The following TIPARP variants were observed in gnomAD, a reference collection of about 807,000 sequenced individuals.
The protein encoded by TIPARP is TCDD inducible poly(ADP-ribose) polymerase.
In TIPARP, 12 loss-of-function variants were observed where a neutral mutation model predicts 56.5. The observed-to-expected ratio is 0.21, with a 90% CI of 0.14 to 0.34. The LOEUF (loss-of-function observed/expected upper bound fraction) is 0.34, where lower values mean the gene tolerates loss of function less well. TIPARP is among the 10% of genes least tolerant of loss of function. TIPARP has a pLI of 1.00. For missense variants in TIPARP, 604 were observed against 781.6 expected, an observed-to-expected ratio of 0.77 and a Z score of 2.71; for synonymous variants, 296 against 265.7, an observed-to-expected ratio of 1.11 and a Z score of -1.11.
chr3:156,701,609 A>G (rs1443722404), intron 4 of TIPARP, among the ~76,000 whole-genome samples: 1 of 152,180 alleles, frequency 6.6e-6, no homozygotes, highest in Non-Finnish European at 1.5e-5. Flanking sequence ...AAGGAGTTAT[A>G]GATATTTGAG....
chr3:156,690,770 C>T (rs77058827), intron 2 of TIPARP, among the ~76,000 whole-genome samples: 63 of 152,142 alleles, frequency 4.1e-4, no homozygotes, highest in Non-Finnish European at 7.5e-4. Flanking sequence ...TGGCTATTAC[C>T]CATACTCTTT....
Position 156,696,034 on chromosome 3 carries a change from C to G in TIPARP, c.1247+9C>G. The G allele has an allele frequency of 1.9e-6, 3 of 1,599,062 alleles. No homozygotes were observed. The highest frequency in any genetic ancestry group is 2.6e-6 in the Non-Finnish European group (3 of 1,175,348). ...CTGCTTCCATATTTACAGTAAGTGT[C>G]GAGTATGAAGTTGCAATATTTACTC... On this transcript the variant is annotated intron_variant, in intron 4 of 5. Transcript: ENST00000295924.
At chr3:156,684,612 A>G (rs182567011) in intron 2 of TIPARP, among the ~76,000 whole-genome samples, 1 of 152,242 alleles carries the variant, frequency 6.6e-6, no homozygotes, top group African/African-American at 2.4e-5. Context: ...TTTGTATTTT[A>G]GTAGAGACAG....
intron 1 of TIPARP, among the ~76,000 whole-genome samples, chr3:156,677,389 A>C (rs75378624): frequency 0.013 from 1,967 of 152,100 alleles, 23 homozygotes; most frequent in Middle Eastern, 0.031. Flanking sequence ...AGAATTGCAA[A>C]CTCTTATGTA....
intron 2 of TIPARP, among the ~76,000 whole-genome samples, chr3:156,686,304 C>A (rs1490631442): frequency 6.6e-6 from 1 of 152,156 alleles, no homozygotes; most frequent in Admixed American, 6.5e-5. Flanking sequence ...AGAAACTTGG[C>A]TTTGTAGAAT....
rs149952637 is a variant in TIPARP at position 156,682,449 on chromosome 3, C to G, written c.917+3835C>G. Among the ~76,000 whole-genome samples the G allele has an allele frequency of 2.0e-5, 3 of 152,146 alleles. No homozygotes were observed. In the East Asian group the frequency reaches 5.8e-4, roughly 29 times the overall value. Reference sequence around the variant, plus strand: ...CTGAGTGATTTTGATTGCTAATTGCCCTTAGAAGTCTATTTTTAAACTCTG... The same window carrying G: ...CTGAGTGATTTTGATTGCTAATTGCGCTTAGAAGTCTATTTTTAAACTCTG... On this transcript the variant is annotated intron_variant, in intron 2 of 5. Transcript: ENST00000295924.
intron 2 of TIPARP, among the ~76,000 whole-genome samples, chr3:156,690,073 C>CT (rs547639591): frequency 4.1e-4 from 62 of 151,078 alleles, no homozygotes; most frequent in African/African-American, 1.3e-3. Context: ...AATTACTTTG[C>CT]TTTTTTTTTG....
At chr3:156,696,743 G>C (rs1294852285) in intron 4 of TIPARP, among the ~76,000 whole-genome samples, 2 of 152,112 alleles carry the variant, frequency 1.3e-5, no homozygotes, top group African/African-American at 2.4e-5. Flanking sequence ...TTGAAAATTA[G>C]TATCTCTAGG....
chr3:156,683,444 T>C (rs1722353376), intron 2 of TIPARP, among the ~76,000 whole-genome samples: 1 of 152,172 alleles, frequency 6.6e-6, no homozygotes, highest in South Asian at 2.1e-4. Flanking sequence ...AGCATTTGGG[T>C]ATCATCTTGG....
In TIPARP at chr3:156,684,723, C is replaced by T. The variant is rs138952670; in HGVS notation, c.917+6109C>T. Among the ~76,000 whole-genome samples, 599 of 152,280 alleles carry T rather than the reference C, an allele frequency of 3.9e-3. 1 individual carries two copies. Among genetic ancestry groups the T allele is most frequent in the Non-Finnish European group, 5.1e-3 (349 of 68,026 alleles). On this transcript the variant is annotated intron_variant, in intron 2 of 5. Coordinates refer to ENST00000295924, the MANE Select transcript of TIPARP (RefSeq NM_015508.5). ...CTAGGATTACAGGCGTGAGCCACTG[C>T]GCCCAGTGATGTGAAGGAATTTCTT...
At chr3:156,681,166 C>G (rs896791388) in intron 2 of TIPARP, 2 of 456,508 alleles carry the variant, frequency 4.4e-6, no homozygotes, top group Non-Finnish European at 8.8e-6. Flanking sequence ...CTGAGAGATT[C>G]ACAAACAAGC....
chr3:156,704,224 T>C (rs937036239), intron 5 of TIPARP, among the ~76,000 whole-genome samples: 3 of 152,210 alleles, frequency 2.0e-5, no homozygotes, highest in African/African-American at 7.2e-5. Context: ...CTTACTTTGC[T>C]GCAGGTCATG....
intron 4 of TIPARP, 77 bp downstream of exon 4, chr3:156,696,102 T>A: frequency 6.7e-7 from 1 of 1,487,304 alleles, no homozygotes; most frequent in Non-Finnish European, 9.0e-7. Flanking sequence ...AGATAAAAAA[T>A]AAATAAGAGT....
chr3:156,691,777 CTG>C (rs1354083444), intron 2 of TIPARP, among the ~76,000 whole-genome samples: 1 of 152,096 alleles, frequency 6.6e-6, no homozygotes, highest in Non-Finnish European at 1.5e-5. Context: ...ATTTTTGTCT[CTG>C]TCAAGTTTAG....
intron 4 of TIPARP, among the ~76,000 whole-genome samples, chr3:156,702,148 T>G (rs1722864523): frequency 6.6e-6 from 1 of 151,906 alleles, no homozygotes. Flanking sequence ...GTCGATCACT[T>G]TCTAGCCTTG....
Position 156,705,088 on chromosome 3 carries a change from T to G in TIPARP, c.1931T>G (p.Phe644Cys), listed in dbSNP as rs781163882. The change falls in exon 6 of 6, where the codon TTT (phenylalanine) becomes TGT (cysteine). Residue 644 changes from phenylalanine (F) to cysteine (C), a missense_variant. Phe to Cys is a radical substitution (Grantham distance 205, BLOSUM62 -2). This residue lies in a region of TIPARP where 77 missense variants were observed against 161.0 expected (regional missense o/e 0.48). Transcript: ENST00000295924. ...IFNDDQSYPY[F>C]VIQYEEVSNT... The stretch of plus-strand genomic sequence containing the variant: ...AATGATGACCAGAGTTACCCTTATT[T>G]TGTTATCCAATATGAAGAAGTCAGT... The G allele has an allele frequency of 1.2e-6, 2 of 1,611,330 alleles. No individual in the cohort carries two copies. The highest frequency in any genetic ancestry group is 1.3e-5 in the African/African-American group (1 of 74,672).
At chr3:156,681,378 A>G (rs539003893) in intron 2 of TIPARP, among the ~76,000 whole-genome samples, 2 of 152,328 alleles carry the variant, frequency 1.3e-5, no homozygotes, top group African/African-American at 4.8e-5. Flanking sequence ...CACTGTTTTC[A>G]GTAGTTTATA....
chr3:156,700,111 T>A (rs1286649234), intron 4 of TIPARP, among the ~76,000 whole-genome samples: 3 of 152,010 alleles, frequency 2.0e-5, no homozygotes, highest in Non-Finnish European at 2.9e-5. Context: ...TTATATTTTT[T>A]AAAACTTTTT....
At chr3:156,698,298 C>A (rs1408772875) in intron 4 of TIPARP, among the ~76,000 whole-genome samples, 2 of 152,164 alleles carry the variant, frequency 1.3e-5, no homozygotes, top group Non-Finnish European at 2.9e-5. Context: ...TAGCTGAGAT[C>A]ATTGATGACA....
Sources: allele counts gnomAD v4.1 joint callset (sites outside exome capture counted in the v4.1 genomes callset), GRCh38; gene constraint gnomAD v4.1.1; regional missense constraint gnomAD v4.1.1; transcripts MANE v1.5; gene names NCBI Gene and HGNC (gene_info 2026-07-23, HGNC 2026-07-21).